Variants in OTUD7A observed in about 807,000 individuals in gnomAD.
OTUD7A encodes OTU domain-containing protein 7A.
OTUD7A carries 12 observed loss-of-function variants against 65.7 expected under a neutral mutation model. The ratio of observed to expected loss-of-function variants is 0.18; its 90% confidence interval spans 0.12 to 0.30. The LOEUF is 0.30. OTUD7A is among the 10% of genes least tolerant of loss of function. The pLI, the probability that OTUD7A is intolerant of heterozygous loss-of-function variation, is 1.00. For missense variants in OTUD7A, 1,148 were observed against 1,304.8 expected (o/e 0.88, Z 1.85); for synonymous variants, 641 against 586.3 (o/e 1.09, Z -1.35).
At position 31,817,551 on chromosome 15, in the gene OTUD7A, C is replaced by G. The variant is rs116749336; in HGVS notation, c.-100+52956G>C. 5.2e-3 allele frequency among the ~76,000 whole-genome samples: 795 copies of G among 152,230 alleles called. 10 individuals are homozygous for G. The highest frequency in any genetic ancestry group is 0.019 in the African/African-American group (769 of 41,536). ...CTTTCCTTTGCTGATCTTTGAAAAA[C>G]CCAAGGCTTTTGTTCTCCTGTGGGC... is the stretch of plus-strand genomic sequence containing the variant. On this transcript the variant is annotated intron_variant, in intron 1 of 12. Transcript: ENST00000307050.
chr15:31,524,126 C>G (rs1391400891), intron 8 of OTUD7A, among the ~76,000 whole-genome samples: 1 of 151,804 alleles, frequency 6.6e-6, no homozygotes, highest in Non-Finnish European at 1.5e-5. Flanking sequence ...GCTCTGTCCT[C>G]TTCTGAGTTT....
chr15:31,608,807 A>G (rs1364747710), intron 3 of OTUD7A, among the ~76,000 whole-genome samples: 2 of 152,230 alleles, frequency 1.3e-5, no homozygotes, highest in African/African-American at 4.8e-5. Context: ...GGAGGCTCGC[A>G]TCATGAATTT....
intron 3 of OTUD7A, among the ~76,000 whole-genome samples, chr15:31,615,070 G>C (rs906058825): frequency 6.6e-6 from 1 of 152,036 alleles, no homozygotes; most frequent in African/African-American, 2.4e-5. Flanking sequence ...AATTATGCAG[G>C]AAAGATGAAA....
chr15:31,578,207 G>T (rs988831237), intron 3 of OTUD7A, among the ~76,000 whole-genome samples: 7 of 152,142 alleles, frequency 4.6e-5, no homozygotes, highest in Non-Finnish European at 8.8e-5. Context: ...AGGAAAAGCT[G>T]ACCAGCATTT....
chr15:31,558,420 T>C (rs1203497557), intron 5 of OTUD7A: 1 of 154,556 alleles, frequency 6.5e-6, no homozygotes, highest in East Asian at 1.9e-4. Context: ...GTTTTGTGCT[T>C]CCTTAACCTG....
intron 3 of OTUD7A, among the ~76,000 whole-genome samples, chr15:31,624,183 A>T (rs1348416717): frequency 6.6e-6 from 1 of 152,232 alleles, no homozygotes; most frequent in African/African-American, 2.4e-5. Context: ...GTAGTTTTAT[A>T]TACCTGCACC....
chr15:31,596,799 G>C (rs1022810915), intron 3 of OTUD7A, among the ~76,000 whole-genome samples: 5 of 151,462 alleles, frequency 3.3e-5, no homozygotes, highest in African/African-American at 1.2e-4. Context: ...TAAGTCTTTT[G>C]CTCACTTTTC....
chr15:31,516,633 G>A (rs2041860531), intron 8 of OTUD7A, among the ~76,000 whole-genome samples: 1 of 152,218 alleles, frequency 6.6e-6, no homozygotes, highest in Non-Finnish European at 1.5e-5. Flanking sequence ...AAAGACCCAA[G>A]CTGGTGGCCA....
At chr15:31,746,354 A>G (rs1894476179) in intron 1 of OTUD7A, among the ~76,000 whole-genome samples, 1 of 152,194 alleles carries the variant, frequency 6.6e-6, no homozygotes, top group Admixed American at 6.5e-5. Flanking sequence ...CACACACCAC[A>G]TACACACACA....
intron 1 of OTUD7A, among the ~76,000 whole-genome samples, chr15:31,734,295 G>A (rs1894125905): frequency 6.6e-6 from 1 of 152,148 alleles, no homozygotes. Context: ...CTCATGGATA[G>A]GAAGAATCAA....
intron 1 of OTUD7A, among the ~76,000 whole-genome samples, chr15:31,822,643 C>T (rs1056873122): frequency 6.6e-6 from 1 of 152,184 alleles, no homozygotes; most frequent in Non-Finnish European, 1.5e-5. Flanking sequence ...TCACAGAAAA[C>T]TTTCTTTAAA....
intron 3 of OTUD7A, among the ~76,000 whole-genome samples, chr15:31,629,098 T>C (rs1295384064): frequency 6.6e-6 from 1 of 152,102 alleles, no homozygotes; most frequent in Non-Finnish European, 1.5e-5. Flanking sequence ...TTCTCCTGCC[T>C]AATTGCCCTG....
chr15:31,558,972 C>A lies in OTUD7A; in HGVS notation c.547G>T (p.Ala183Ser). Residue 183 changes from alanine (A) to serine (S), a missense_variant, in exon 5 of 13, where the codon GCA becomes TCA. By Grantham distance (99) the Ala-to-Ser change is moderately conservative. Coordinates refer to ENST00000307050, the MANE Select transcript of OTUD7A (RefSeq NM_001382637.1). The part of the protein sequence containing the change: ...EQATMVALEQ[A>S]GRLNWWSTVC... ...CCTGCTGGCAGGGGCAACTCACCTG[C>A]CTGCTCCAAAGCCACCATTGTTGCC... 6.2e-7 allele frequency: 1 copy of A among 1,614,130 alleles called. No individual in the cohort carries two copies. The highest frequency in any genetic ancestry group is 8.5e-7 in the Non-Finnish European group (1 of 1,180,008).
chr15:31,576,693 A>G (rs887836332), intron 3 of OTUD7A, among the ~76,000 whole-genome samples: 1 of 152,198 alleles, frequency 6.6e-6, no homozygotes, highest in Admixed American at 6.5e-5. Context: ...CTCAGAATAA[A>G]TATCTTCAAA....
At chr15:31,797,018 G>A (rs926643643) in intron 1 of OTUD7A, among the ~76,000 whole-genome samples, 32 of 152,204 alleles carry the variant, frequency 2.1e-4, no homozygotes, top group African/African-American at 7.5e-4. Context: ...ACAGGCGTGA[G>A]CCACGGCACC....
At chr15:31,841,754 C>T (rs1340132313) in intron 1 of OTUD7A, among the ~76,000 whole-genome samples, 1 of 152,092 alleles carries the variant, frequency 6.6e-6, no homozygotes, top group African/African-American at 2.4e-5. Flanking sequence ...CCAGGGCAAT[C>T]AGAAAACTTC....
At chr15:31,765,605 T>C (rs1365534053) in intron 1 of OTUD7A, 1 of 559,326 alleles carries the variant, frequency 1.8e-6, no homozygotes, top group Non-Finnish European at 3.1e-6. Flanking sequence ...TTGATAAACA[T>C]CTATTTTGGC....
At chr15:31,843,887 G>T (rs759386054) in intron 1 of OTUD7A, among the ~76,000 whole-genome samples, 3 of 152,120 alleles carry the variant, frequency 2.0e-5, no homozygotes, top group Non-Finnish European at 4.4e-5. Context: ...AAACCACACG[G>T]TTTACATTGT....
intron 5 of OTUD7A, among the ~76,000 whole-genome samples, chr15:31,544,448 T>C (rs1300934286): frequency 1.3e-5 from 2 of 151,670 alleles, no homozygotes; most frequent in African/African-American, 4.8e-5. Flanking sequence ...AATGAATATG[T>C]GATAGAGAAC....
Sources: gnomAD v4.1 joint callset for allele counts (sites outside exome capture counted in the v4.1 genomes callset) on GRCh38, gnomAD v4.1.1 for gene constraint, MANE v1.5 for transcripts, NCBI Gene and HGNC (gene_info 2026-07-23, HGNC 2026-07-21) for gene names.